The following HEPHL1 variants were observed in gnomAD, a reference collection of about 807,000 sequenced individuals.
HEPHL1 encodes ferroxidase HEPHL1.
In HEPHL1, 123 loss-of-function variants were observed where a neutral mutation model predicts 122.0. The observed-to-expected ratio is 1.01, with a 90% CI of 0.87 to 1.17. The LOEUF (loss-of-function observed/expected upper bound fraction) is 1.17. HEPHL1 is among the 50% of genes most tolerant of loss of function. The pLI, the probability that HEPHL1 is intolerant of heterozygous loss-of-function variation, is 0.00. For missense variants in HEPHL1, 1,452 were observed against 1,430.5 expected, an observed-to-expected ratio of 1.01 and a Z score of -0.24; for synonymous variants, 527 against 508.9, an observed-to-expected ratio of 1.04 and a Z score of -0.48.
At chr11:94,110,454 G>C (rs1946439482) in intron 17 of HEPHL1, among the ~76,000 whole-genome samples, 1 of 152,162 alleles carries the variant, frequency 6.6e-6, no homozygotes, top group African/African-American at 2.4e-5. Context: ...TTCAGCTCCT[G>C]ATCATGTGGA....
chr11:94,023,529 A>C (rs758543736), intron 1 of HEPHL1, among the ~76,000 whole-genome samples: 1 of 152,214 alleles, frequency 6.6e-6, no homozygotes. Context: ...TGCTTTGATG[A>C]AAGTACAATA....
rs202005678 is a variant in HEPHL1 at position 94,063,665 on chromosome 11, C to T, written c.573C>T (p.Asp191=). The change falls in exon 3 of 20, where the codon GAC becomes GAT. Residue 191 remains aspartate (D), a synonymous_variant. Transcript: ENST00000315765. ...CLTWVYHSHI[D]APKDICSGLI... ...CCTGGGTGTACCATTCGCACATCGA[C>T]GCCCCAAAGGACATCTGCTCTGGGC... 1,252 of 1,613,836 alleles carry T rather than the reference C, an allele frequency of 7.8e-4. No homozygotes were observed. Among genetic ancestry groups the T allele is most frequent in the East Asian group, 2.1e-3 (94 of 44,874 alleles).
intron 11 of HEPHL1, 63 bp downstream of exon 11, chr11:94,086,252 T>C: frequency 8.1e-7 from 1 of 1,238,360 alleles, no homozygotes; most frequent in East Asian, 2.5e-5. Context: ...CCTCTTAGAG[T>C]TCTCCCACAG....
Position 94,111,739 on chromosome 11 carries a change from C to G in HEPHL1, c.3325C>G (p.Pro1109Ala). The G allele has an allele frequency of 1.2e-6, 2 of 1,605,718 alleles. No individual in the cohort carries two copies. Among genetic ancestry groups the G allele is most frequent in the Non-Finnish European group, 1.7e-6 (2 of 1,175,956 alleles). Residue 1109 changes from proline (P) to alanine (A), a missense_variant, in exon 20 of 20, where the codon CCA becomes GCA. By Grantham distance (27) the Pro-to-Ala change is conservative. Transcript: ENST00000315765. ...CTATTTCTTTGGCAAGAATCTGGGT[C>G]CAACAGGAGCCAAGGCAGCCTTGGT... The part of the protein sequence containing the change: ...QLYFFGKNLG[P>A]TGAKAALVIL...
At chr11:94,046,843 C>T (rs1945843881) in intron 2 of HEPHL1, among the ~76,000 whole-genome samples, 1 of 152,112 alleles carries the variant, frequency 6.6e-6, no homozygotes, top group Admixed American at 6.5e-5. Flanking sequence ...TGCTCATGAC[C>T]TGGTGGAATA....
At chr11:94,089,330 A>G (rs377243024) in intron 12 of HEPHL1, among the ~76,000 whole-genome samples, 1 of 152,122 alleles carries the variant, frequency 6.6e-6, no homozygotes, top group South Asian at 2.1e-4. Flanking sequence ...GGGTGAGAGG[A>G]TGGGCTGCTG....
At chr11:94,074,947 A>G (rs1946108019) in intron 8 of HEPHL1, among the ~76,000 whole-genome samples, 1 of 152,162 alleles carries the variant, frequency 6.6e-6, no homozygotes, top group African/African-American at 2.4e-5. Context: ...TGAGCAAGAA[A>G]TTGTATGGGA....
chr11:94,094,270 T>C (rs1286850188), intron 13 of HEPHL1, among the ~76,000 whole-genome samples: 1 of 151,900 alleles, frequency 6.6e-6, no homozygotes, highest in Non-Finnish European at 1.5e-5. Context: ...GTCCTTGCGA[T>C]AGTTTGCTGA....
Position 94,086,162 on chromosome 11 carries a change from A to T in HEPHL1, c.2053A>T (p.Thr685Ser). 1 of 1,612,272 alleles carries T rather than the reference A, an allele frequency of 6.2e-7. No homozygotes were observed. Residue 685 changes from threonine (T) to serine (S), a missense_variant, in exon 11 of 20, where the codon ACA becomes TCA. Thr to Ser is a moderately conservative substitution (Grantham distance 58, BLOSUM62 1). Transcript: ENST00000315765. ...SLALFPHMAT[T>S]AFMQPDHAGI... is the part of the protein sequence containing the mutation. Reference sequence around the variant, plus strand: ...GGCCCTGTTTCCCCACATGGCCACAACAGCATTCATGCAGCCAGACCATGC... The same window carrying T: ...GGCCCTGTTTCCCCACATGGCCACATCAGCATTCATGCAGCCAGACCATGC...
At chr11:94,064,533 A>G (rs759145615) in intron 4 of HEPHL1, 23 bp downstream of exon 4, 13 of 1,551,042 alleles carry the variant, frequency 8.4e-6, no homozygotes, top group South Asian at 2.3e-5. Context: ...CATGTTCCCA[A>G]ACGTATACCA....
At chr11:94,039,134 A>G (rs1408602546) in intron 1 of HEPHL1, among the ~76,000 whole-genome samples, 8 of 96,040 alleles carry the variant, frequency 8.3e-5, no homozygotes, top group African/African-American at 3.3e-4. Flanking sequence ...AGGCCATTAC[A>G]TAATGGTAAA....
chr11:94,112,015 GCCTT>G lies in HEPHL1; in HGVS notation c.*123_*126del. On this transcript the variant is annotated 3_prime_UTR_variant, in exon 20 of 20. Coordinates refer to ENST00000315765, the MANE Select transcript of HEPHL1 (RefSeq NM_001098672.2). The stretch of plus-strand genomic sequence containing the variant: ...AAGGTTGACACTGTATCCTGGATCA[GCCTT>G]CTGATCCTCTCAAACATCATCCAAA... The G allele has an allele frequency of 1.6e-6, 1 of 622,998 alleles. No homozygotes were observed. The highest frequency in any genetic ancestry group is 2.6e-6 in the Non-Finnish European group (1 of 381,144). The allele number at this position is 622,998 out of a possible 1,614,324, so 38.6% of individuals were successfully genotyped here. A position where few individuals can be genotyped will look rare whatever the true frequency, so the allele number is the denominator to read the frequency against.
Position 94,101,206 on chromosome 11 carries a change from CA to C in HEPHL1, c.2447del (p.His816LeufsTer9). ...TGTTTTGCCTTTAGGCCCAATGATTCATGCTGAGGTGGGCAACACCGTCCTG... is the reference window on the plus strand; with the variant it reads ...TGTTTTGCCTTTAGGCCCAATGATTCTGCTGAGGTGGGCAACACCGTCCTG... ...EHLELLGPMI[H>X]AEVGNTVLII... is the part of the protein sequence containing the mutation. On this transcript the variant is annotated frameshift_variant, in exon 14 of 20. Transcript: ENST00000315765. LOFTEE classifies it high-confidence loss of function. 6.2e-7 allele frequency: 1 copy of C among 1,613,838 alleles called. No homozygotes were observed. Among genetic ancestry groups the C allele is most frequent in the Middle Eastern group, 1.6e-4 (1 of 6,062 alleles).
intron 2 of HEPHL1, among the ~76,000 whole-genome samples, chr11:94,049,224 C>T (rs372477991): frequency 2.0e-5 from 3 of 151,986 alleles, no homozygotes; most frequent in African/African-American, 7.3e-5. Flanking sequence ...AAATGCTCAA[C>T]ATCACTAATC....
In HEPHL1 at chr11:94,112,656, A is replaced by C. The variant is rs1946460302; in HGVS notation, c.*762A>C. 1 of 152,258 alleles carries C rather than the reference A, an allele frequency of 6.6e-6. No homozygotes were observed. The highest frequency in any genetic ancestry group is 2.4e-5 in the African/African-American group (1 of 41,468). 9.4% of individuals were successfully genotyped at this position (152,258 alleles called of 1,614,324 possible). A position where few individuals can be genotyped will look rare whatever the true frequency, so the allele number is the denominator to read the frequency against. On this transcript the variant is annotated 3_prime_UTR_variant, in exon 20 of 20. Coordinates refer to ENST00000315765, the MANE Select transcript of HEPHL1 (RefSeq NM_001098672.2). ...GTACTTTCAAAAATCAAGTAGAGAA[A>C]TTGTATTTCTACTGCAGACTGTGGG... is the stretch of plus-strand genomic sequence containing the variant.
At chr11:94,076,825 A>G (rs1019094544) in intron 9 of HEPHL1, among the ~76,000 whole-genome samples, 2 of 152,168 alleles carry the variant, frequency 1.3e-5, no homozygotes, top group African/African-American at 4.8e-5. Context: ...GTAAATTGTC[A>G]TAAATTCTCC....
chr11:94,089,824 C>T (rs76665914), intron 12 of HEPHL1, among the ~76,000 whole-genome samples: 3,832 of 152,274 alleles, frequency 0.025, 164 homozygotes, highest in African/African-American at 0.088. Context: ...AGAGTTAGAA[C>T]TGAACATAGA....
intron 6 of HEPHL1, among the ~76,000 whole-genome samples, chr11:94,071,344 TTC>T (rs1946072160): frequency 6.6e-6 from 1 of 152,094 alleles, no homozygotes; most frequent in African/African-American, 2.4e-5. Flanking sequence ...TATTCATTCA[TTC>T]ATTCATTCAT....
At chr11:94,100,134 C>T (rs1400275105) in intron 13 of HEPHL1, among the ~76,000 whole-genome samples, 1 of 152,182 alleles carries the variant, frequency 6.6e-6, no homozygotes, top group East Asian at 1.9e-4. Context: ...GGAGCTGTTC[C>T]TATTCATCCA....
Sources: allele counts gnomAD v4.1 joint callset (sites outside exome capture counted in the v4.1 genomes callset), GRCh38; gene constraint gnomAD v4.1.1; transcripts MANE v1.5; gene names NCBI Gene and HGNC (gene_info 2026-07-23, HGNC 2026-07-21).